The following CFAP54 variants were observed in gnomAD, a reference collection of about 807,000 sequenced individuals.
The protein encoded by CFAP54 is cilia and flagella associated protein 54.
Under a neutral mutation model 370.4 loss-of-function variants are expected in CFAP54, and 290 were observed. That is an observed-to-expected ratio of 0.78 (90% CI 0.71 to 0.86). The LOEUF is 0.86. Among genes scored for constraint, CFAP54 ranks in the 40% least tolerant of loss-of-function variants. The pLI, the probability that CFAP54 is intolerant of heterozygous loss-of-function variation, is 0.00. For synonymous variants in CFAP54, 1,206 were observed against 1,236.5 expected (o/e 0.98, Z 0.52); for missense variants, 3,399 against 3,528.7 (o/e 0.96, Z 0.93).
intron 55 of CFAP54, among the ~76,000 whole-genome samples, chr12:96,752,134 T>C (rs866471268): frequency 2.1e-5 from 1 of 47,272 alleles, no homozygotes; most frequent in Non-Finnish European, 4.9e-5. Flanking sequence ...GAGAGAGAGA[T>C]TGAGGCTGTC....
intron 66 of CFAP54, among the ~76,000 whole-genome samples, chr12:96,840,945 T>C: frequency 6.6e-6 from 1 of 152,180 alleles, no homozygotes; most frequent in East Asian, 1.9e-4. Context: ...CTCTTCAAAA[T>C]GCTAAGAAAA....
chr12:96,553,707 T>G (rs1182929915), intron 15 of CFAP54, among the ~76,000 whole-genome samples: 1 of 151,656 alleles, frequency 6.6e-6, no homozygotes, highest in Non-Finnish European at 1.5e-5. Context: ...GTGAGAATGA[T>G]TACATTAAAA....
Position 96,489,591 on chromosome 12 carries a change from C to A in CFAP54, c.-19C>A, listed in dbSNP as rs1389383723. ...CAACCGCGTGTACACATACTCCAGG[C>A]GGGCCGGGGCGCGTCAATATGGCGG... On this transcript the variant is annotated 5_prime_UTR_variant, in exon 1 of 68. Coordinates refer to ENST00000524981, the MANE Select transcript of CFAP54 (RefSeq NM_001306084.2). 4.7e-6 allele frequency: 7 copies of A among 1,499,954 alleles called. No individual in the cohort carries two copies. The highest frequency in any genetic ancestry group is 1.2e-5 in the South Asian group (1 of 80,164). 92.9% of individuals were successfully genotyped at this position (1,499,954 alleles called of 1,614,324 possible).
chr12:96,504,254 T>C (rs1955065276), intron 3 of CFAP54, among the ~76,000 whole-genome samples: 1 of 152,238 alleles, frequency 6.6e-6, no homozygotes, highest in South Asian at 2.1e-4. Flanking sequence ...CATGTAGCAG[T>C]TGTTATTTAA....
chr12:96,647,668 T>C (rs550617728), intron 33 of CFAP54, among the ~76,000 whole-genome samples: 1 of 152,028 alleles, frequency 6.6e-6, no homozygotes, highest in East Asian at 1.9e-4. Flanking sequence ...TATATATTGA[T>C]GTTAAAATTC....
chr12:96,723,623 G>A (rs182142122), intron 50 of CFAP54, among the ~76,000 whole-genome samples: 6 of 151,904 alleles, frequency 3.9e-5, no homozygotes, highest in Admixed American at 3.3e-4. Context: ...ATGAGAGAAT[G>A]GGAAGAGAGA....
intron 11 of CFAP54, among the ~76,000 whole-genome samples, chr12:96,535,054 T>TGTG (rs1565887914): frequency 2.8e-5 from 3 of 107,840 alleles, no homozygotes; most frequent in African/African-American, 8.6e-5. Context: ...GTGTGTGTGT[T>TGTG]TATTTATTTA....
At chr12:96,526,681 T>C (rs1302695099) in intron 8 of CFAP54, among the ~76,000 whole-genome samples, 1 of 152,034 alleles carries the variant, frequency 6.6e-6, no homozygotes, top group Non-Finnish European at 1.5e-5. Flanking sequence ...AAGCAAACCA[T>C]AATAAACAAC....
chr12:96,729,060 G>A (rs187397748), intron 50 of CFAP54, among the ~76,000 whole-genome samples: 41 of 152,234 alleles, frequency 2.7e-4, no homozygotes, highest in African/African-American at 7.0e-4. Context: ...AGGAGTACCC[G>A]GCCATGTGAG....
intron 63 of CFAP54, among the ~76,000 whole-genome samples, chr12:96,806,915 G>T (rs1406364339): frequency 6.6e-6 from 1 of 152,172 alleles, no homozygotes; most frequent in East Asian, 1.9e-4. Flanking sequence ...TCCCCTGGAA[G>T]TTCATTAGAA....
intron 8 of CFAP54, among the ~76,000 whole-genome samples, chr12:96,524,639 T>G (rs1041745705): frequency 5.3e-5 from 8 of 152,150 alleles, no homozygotes; most frequent in Admixed American, 5.2e-4. Context: ...TGGTCATAGC[T>G]TAGAAGCCAG....
intron 42 of CFAP54, among the ~76,000 whole-genome samples, chr12:96,688,553 T>G (rs1355788851): frequency 6.6e-6 from 1 of 152,204 alleles, no homozygotes; most frequent in African/African-American, 2.4e-5. Context: ...AACATTAAAG[T>G]TCTTTAGAAT....
At position 96,684,923 on chromosome 12, in the gene CFAP54, G is replaced by A. The variant is rs150755465; in HGVS notation, c.5805-106G>A. On this transcript the variant is annotated intron_variant, in intron 41 of 67. Coordinates refer to ENST00000524981, the MANE Select transcript of CFAP54 (RefSeq NM_001306084.2). ...AACAGTGAATGTATTATAGTTATAC[G>A]TATGTTAATTGACGTTGCTTCGGTG... 3.3e-4 allele frequency: 346 copies of A among 1,059,748 alleles called. No homozygotes were observed. The African/African-American group carries it at 3.5e-3, about 11-fold the overall frequency. The allele number at this position is 1,059,748 out of a possible 1,614,324, so 65.6% of individuals were successfully genotyped here. A position where few individuals can be genotyped will look rare whatever the true frequency, so the allele number is the denominator to read the frequency against.
intron 4 of CFAP54, among the ~76,000 whole-genome samples, chr12:96,512,624 G>A (rs1443384215): frequency 1.3e-5 from 2 of 151,910 alleles, no homozygotes; most frequent in Non-Finnish European, 1.5e-5. Flanking sequence ...TACAGGCGTA[G>A]CCACTGTACA....
intron 26 of CFAP54, among the ~76,000 whole-genome samples, chr12:96,614,279 T>C (rs1956392323): frequency 1.3e-5 from 2 of 152,214 alleles, no homozygotes; most frequent in Admixed American, 6.5e-5. Flanking sequence ...ATTATCTCAA[T>C]AGATGCAGAA....
intron 64 of CFAP54, among the ~76,000 whole-genome samples, chr12:96,816,301 A>C (rs1468160633): frequency 6.6e-6 from 1 of 152,110 alleles, no homozygotes; most frequent in African/African-American, 2.4e-5. Flanking sequence ...TTGTGTTCCT[A>C]GGCATTTTAT....
intron 8 of CFAP54, among the ~76,000 whole-genome samples, chr12:96,525,087 A>G (rs376470909): frequency 9.9e-5 from 15 of 151,930 alleles, no homozygotes; most frequent in African/African-American, 3.6e-4. Context: ...GAGTATTCCT[A>G]TTTTCAGGGT....
intron 39 of CFAP54, among the ~76,000 whole-genome samples, chr12:96,671,776 G>T (rs140295651): frequency 1.3e-5 from 2 of 152,268 alleles, no homozygotes; most frequent in East Asian, 3.9e-4. Flanking sequence ...ATAAAACTTA[G>T]CTGGGCGTGG....
chr12:96,737,498 T>G (rs1957993320), intron 50 of CFAP54, among the ~76,000 whole-genome samples: 1 of 147,996 alleles, frequency 6.8e-6, no homozygotes, highest in Non-Finnish European at 1.5e-5. Flanking sequence ...TATGTTTTGT[T>G]TTTTTTTTTG....
Sources: gnomAD v4.1 joint callset for allele counts (sites outside exome capture counted in the v4.1 genomes callset) on GRCh38, gnomAD v4.1.1 for gene constraint, MANE v1.5 for transcripts, NCBI Gene and HGNC (gene_info 2026-07-23, HGNC 2026-07-21) for gene names.